Variants in GARIN5B observed in about 807,000 individuals in gnomAD.
The protein encoded by GARIN5B is Golgi-associated RAB2 interactor protein 5B.
the GARIN5B span, chr19:55,354,978 G>GC: frequency 5.3e-5 from 3 of 56,202 alleles, no homozygotes; most frequent in Non-Finnish European, 7.6e-5. Context: ...GCCCCCCCCC[G>GC]CCCCCCAATA....
At chr19:55,356,994 T>C in the GARIN5B span, among the ~76,000 whole-genome samples, 2 of 152,008 alleles carry the variant, frequency 1.3e-5, no homozygotes, top group African/African-American at 4.8e-5. Flanking sequence ...GAGGCAGAGG[T>C]TGCAGTGAGC....
chr19:55,363,029 A>G, the GARIN5B span: 1 of 1,498,380 alleles, frequency 6.7e-7, no homozygotes, highest in Admixed American at 2.8e-5. This position sits in a 1 kb window ranked among gnomAD's most constrained non-coding sequence, Gnocchi z 4.0. Flanking sequence ...GGTGCCCTGG[A>G]GCGGCTCAAG....
the GARIN5B span, chr19:55,355,412 C>CT: frequency 6.7e-7 from 1 of 1,500,902 alleles, no homozygotes; most frequent in Non-Finnish European, 9.1e-7. Flanking sequence ...GTACCCAGGG[C>CT]TTTAAGAGCT....
chr19:55,362,497 G>T, the GARIN5B span: 7 of 1,482,782 alleles, frequency 4.7e-6, no homozygotes, highest in East Asian at 5.4e-5. Flanking sequence ...GGTCCAGGGG[G>T]ATCATCCTGG....
chr19:55,360,041 A>G, the GARIN5B span: 1 of 1,469,054 alleles, frequency 6.8e-7, no homozygotes, highest in Non-Finnish European at 9.0e-7. Context: ...CAGACCCGGG[A>G]GGGCAGACCC....
At chr19:55,363,206 G>A in the GARIN5B span, 1 of 902,916 alleles carries the variant, frequency 1.1e-6, no homozygotes, top group Non-Finnish European at 1.5e-6. The surrounding 1 kb of genome is among the most constrained non-coding windows in gnomAD (Gnocchi z 4.0). Flanking sequence ...AGATGCCCCA[G>A]GCTGGGAGAC....
At chr19:55,362,903 T>C in the GARIN5B span, 4 of 1,492,306 alleles carry the variant, frequency 2.7e-6, no homozygotes, top group Non-Finnish European at 3.6e-6. Flanking sequence ...CCCGGGGCAC[T>C]GGGAACTGGA....
chr19:55,359,832 C>G, the GARIN5B span: 1 of 1,551,472 alleles, frequency 6.4e-7, no homozygotes, highest in Non-Finnish European at 8.7e-7. Flanking sequence ...TCCATGAGGT[C>G]TTCCGTGTCC....
At chr19:55,361,522 C>T in the GARIN5B span, 3 of 1,324,902 alleles carry the variant, frequency 2.3e-6, no homozygotes, top group Non-Finnish European at 3.0e-6. Context: ...CTCCTGCTCC[C>T]AGGACCTGAC....
the GARIN5B span, chr19:55,358,998 G>A: frequency 1.9e-6 from 3 of 1,551,118 alleles, no homozygotes; most frequent in African/African-American, 1.4e-5. Context: ...TGGCTAATCA[G>A]GATGTCCTTG....
At chr19:55,363,233 G>A in the GARIN5B span, 2 of 654,768 alleles carry the variant, frequency 3.1e-6, no homozygotes, top group Non-Finnish European at 4.6e-6. This position sits in a 1 kb window ranked among gnomAD's most constrained non-coding sequence, Gnocchi z 4.0. Context: ...CTCCGCCATG[G>A]CCCTGCCAGG....
the GARIN5B span, among the ~76,000 whole-genome samples, chr19:55,357,250 C>T: frequency 6.6e-6 from 1 of 152,148 alleles, no homozygotes; most frequent in Non-Finnish European, 1.5e-5. Flanking sequence ...CCCCCTACAT[C>T]CTCCATGCCC....
chr19:55,356,848 C>T, the GARIN5B span, among the ~76,000 whole-genome samples: 1 of 151,742 alleles, frequency 6.6e-6, no homozygotes, highest in Admixed American at 6.6e-5. Context: ...GTCAGGAGTT[C>T]GAGACCAGCC....
chr19:55,362,938 C>G, the GARIN5B span: 1 of 1,505,510 alleles, frequency 6.6e-7, no homozygotes, highest in Non-Finnish European at 8.9e-7. Flanking sequence ...TACTCTCGAA[C>G]ATGGGCAGCG....
At chr19:55,358,672 C>T in the GARIN5B span, 254 of 1,551,398 alleles carry the variant, frequency 1.6e-4, 1 homozygote, top group African/African-American at 2.2e-3. Context: ...CCATCATTGA[C>T]GTGGCCGACG....
At chr19:55,358,399 C>T in the GARIN5B span, 5 of 1,504,948 alleles carry the variant, frequency 3.3e-6, no homozygotes, top group East Asian at 4.9e-5. Context: ...AGTCCTCCCA[C>T]GGTGAGGCGG....
chr19:55,355,065 C>A, the GARIN5B span: 3 of 345,202 alleles, frequency 8.7e-6, no homozygotes, highest in African/African-American at 6.5e-5. Context: ...ATTCCGCTTC[C>A]TACAGTCGGT....
chr19:55,358,945 C>A, the GARIN5B span: 2 of 1,551,226 alleles, frequency 1.3e-6, no homozygotes, highest in East Asian at 4.9e-5. Flanking sequence ...AGTCCTCCAA[C>A]TTCCCCTGGC....
the GARIN5B span, chr19:55,358,923 C>A: frequency 6.4e-7 from 1 of 1,551,026 alleles, no homozygotes; most frequent in Non-Finnish European, 8.7e-7. Context: ...TCAAGCTTCG[C>A]CCAGTGGGCC....
Sources: gnomAD v4.1 joint callset for allele counts (sites outside exome capture counted in the v4.1 genomes callset) on GRCh38, gnomAD v4.1.1 for gene constraint, Gnocchi (gnomAD v3.1) non-coding constraint, MANE v1.5 for transcripts, NCBI Gene and HGNC (gene_info 2026-07-23, HGNC 2026-07-21) for gene names.